Variants in NRG1 observed in about 807,000 individuals in gnomAD.
The protein encoded by NRG1 is neuregulin 1.
A neutral mutation model predicts 63.8 loss-of-function variants in NRG1; 18 were observed. That is an observed-to-expected ratio of 0.28 (90% CI 0.19 to 0.42). NRG1 has a LOEUF of 0.42. NRG1 is among the 10% of genes least tolerant of loss of function. The pLI is 1.00. For missense variants in NRG1, 762 were observed against 814.7 expected, an observed-to-expected ratio of 0.94 and a Z score of 0.79; for synonymous variants, 302 against 301.3, an observed-to-expected ratio of 1.00 and a Z score of -0.02.
At chr8:31,879,525 G>T (rs960967683) in intron 1 of NRG1, among the ~76,000 whole-genome samples, 1 of 152,190 alleles carries the variant, frequency 6.6e-6, no homozygotes, top group Non-Finnish European at 1.5e-5. Context: ...TCCAGGGTCA[G>T]ATCTGGAAGA....
chr8:31,968,984 T>A (rs907028739), intron 1 of NRG1, among the ~76,000 whole-genome samples: 3 of 152,186 alleles, frequency 2.0e-5, no homozygotes, highest in African/African-American at 7.2e-5. Flanking sequence ...CCTCCTCAGC[T>A]CTCCCAGCAT....
chr8:31,958,328 C>G (rs555169893), intron 1 of NRG1, among the ~76,000 whole-genome samples: 45 of 152,168 alleles, frequency 3.0e-4, no homozygotes, highest in Non-Finnish European at 5.7e-4. Context: ...TGACAATAAT[C>G]AATTTGGGTA....
rs1212542950 is a variant in NRG1, at chr8:31,864,326, G to A, written c.37+224895G>A. On this transcript the variant is annotated intron_variant, in intron 1 of 10. Transcript: ENST00000519301. ...TACCTCTTAGTGCAGTAGAGACACAGTAATCCAATCATCACACAAGACATT... is the reference window on the plus strand; with the variant it reads ...TACCTCTTAGTGCAGTAGAGACACAATAATCCAATCATCACACAAGACATT... Among the ~76,000 whole-genome samples, 5 of 152,156 alleles carry A rather than the reference G, an allele frequency of 3.3e-5. No homozygotes were observed. In the East Asian group the frequency reaches 9.7e-4, roughly 29 times the overall value.
chr8:32,450,541 A>T (rs1404401928), intron 1 of NRG1, among the ~76,000 whole-genome samples: 1 of 152,082 alleles, frequency 6.6e-6, no homozygotes, highest in Non-Finnish European at 1.5e-5. Context: ...TCAGCCTCCC[A>T]AATAGCTTGG....
At chr8:32,297,852 T>C (rs544366112) in intron 1 of NRG1, among the ~76,000 whole-genome samples, 1 of 152,330 alleles carries the variant, frequency 6.6e-6, no homozygotes, top group Non-Finnish European at 1.5e-5. Context: ...TGTCTCCCTC[T>C]AGTAATAATC....
At chr8:31,960,209 T>G (rs1266606454) in intron 1 of NRG1, among the ~76,000 whole-genome samples, 2 of 152,194 alleles carry the variant, frequency 1.3e-5, no homozygotes, top group Non-Finnish European at 2.9e-5. Context: ...TATATTGCTG[T>G]GATCCATTAA....
intron 1 of NRG1, among the ~76,000 whole-genome samples, chr8:32,281,655 C>T (rs957098420): frequency 6.6e-6 from 1 of 152,044 alleles, no homozygotes; most frequent in African/African-American, 2.4e-5. Flanking sequence ...AGACATGGCC[C>T]CTCCAGCTGC....
intron 1 of NRG1, among the ~76,000 whole-genome samples, chr8:32,526,681 A>G (rs760407636): frequency 4.6e-5 from 7 of 152,162 alleles, no homozygotes; most frequent in Non-Finnish European, 7.4e-5. Context: ...AGTGACCTCC[A>G]TCTTGCACAA....
chr8:31,856,614 G>T (rs1259506385), intron 1 of NRG1, among the ~76,000 whole-genome samples: 1 of 152,156 alleles, frequency 6.6e-6, no homozygotes, highest in African/African-American at 2.4e-5. Context: ...CTCTCCGCTC[G>T]TCAAAGTCAT....
intron 1 of NRG1, among the ~76,000 whole-genome samples, chr8:31,676,620 G>A (rs1773817392): frequency 6.6e-6 from 1 of 152,166 alleles, no homozygotes; most frequent in African/African-American, 2.4e-5. Context: ...CCTCCAGTCC[G>A]TGTTTGATAT....
intron 1 of NRG1, among the ~76,000 whole-genome samples, chr8:32,121,277 T>G (rs1453578980): frequency 1.3e-5 from 2 of 152,072 alleles, no homozygotes; most frequent in African/African-American, 4.8e-5. Context: ...CATTTTTAAC[T>G]TAACAGCAAC....
At chr8:31,733,932 A>G (rs1202045455) in intron 1 of NRG1, among the ~76,000 whole-genome samples, 1 of 152,158 alleles carries the variant, frequency 6.6e-6, no homozygotes, top group Non-Finnish European at 1.5e-5. Context: ...TGTTTGGGTC[A>G]CTGGACTCGG....
chr8:32,615,881 A>G (rs537988685), intron 4 of NRG1, among the ~76,000 whole-genome samples: 23 of 112,964 alleles, frequency 2.0e-4, no homozygotes, highest in African/African-American at 7.0e-4. Flanking sequence ...GAGAGAAAAA[A>G]AGAAAAAAAA....
intron 1 of NRG1, among the ~76,000 whole-genome samples, chr8:32,445,725 A>G (rs1484433670): frequency 6.6e-6 from 1 of 152,148 alleles, no homozygotes; most frequent in African/African-American, 2.4e-5. Flanking sequence ...CAGAATTGTC[A>G]TCTATTAAGA....
intron 1 of NRG1, among the ~76,000 whole-genome samples, chr8:32,444,079 C>T (rs149668879): frequency 2.0e-5 from 3 of 149,672 alleles, no homozygotes; most frequent in African/African-American, 4.9e-5. Flanking sequence ...TCTTCCCTCC[C>T]TCCCTCCCTC....
chr8:32,771,915 C>T (rs1390386019), downstream of NRG1, among the ~76,000 whole-genome samples: 6 of 145,952 alleles, frequency 4.1e-5, no homozygotes, highest in Admixed American at 2.7e-4. Flanking sequence ...CCCAGCTACT[C>T]GGGAGGCTGA....
chr8:31,766,122 G>T (rs566876265), intron 1 of NRG1, among the ~76,000 whole-genome samples: 10 of 152,040 alleles, frequency 6.6e-5, no homozygotes, highest in Non-Finnish European at 1.3e-4. Context: ...CAAGAGACAA[G>T]TGTACATCTA....
At chr8:32,609,667 T>A (rs1846016324) in intron 3 of NRG1, among the ~76,000 whole-genome samples, 1 of 146,246 alleles carries the variant, frequency 6.8e-6, no homozygotes, top group African/African-American at 2.5e-5. Context: ...CTTTCCTTTT[T>A]TTTTTTTTTT....
chr8:32,357,722 A>G (rs958578716), intron 1 of NRG1, among the ~76,000 whole-genome samples: 2 of 152,012 alleles, frequency 1.3e-5, no homozygotes, highest in Admixed American at 6.5e-5. Context: ...CAATTTATCT[A>G]TTCACTAAAG....
Sources: gnomAD v4.1 joint callset for allele counts (sites outside exome capture counted in the v4.1 genomes callset) on GRCh38, gnomAD v4.1.1 for gene constraint, MANE v1.5 for transcripts, NCBI Gene and HGNC (gene_info 2026-07-23, HGNC 2026-07-21) for gene names.